Variants in INSL6 observed in about 807,000 individuals in gnomAD.
INSL6 encodes the protein insulin like 6, also known as insulin-like peptide INSL6.
Under a neutral mutation model 9.4 loss-of-function variants are expected in INSL6, and 16 were observed. That is an observed-to-expected ratio of 1.70 (90% CI 1.15 to 2.59). The LOEUF (loss-of-function observed/expected upper bound fraction) is 2.59, where lower values mean the gene tolerates loss of function less well. INSL6 is among the 30% of genes most tolerant of loss of function. The pLI is 0.00. For missense variants in INSL6, 391 were observed against 257.3 expected (o/e 1.52, Z -3.56); for synonymous variants, 154 against 96.9 (o/e 1.59, Z -3.46).
chr9:5,009,767 C>T, the INSL6 span, among the ~76,000 whole-genome samples: 1 of 151,490 alleles, frequency 6.6e-6, no homozygotes, highest in Non-Finnish European at 1.5e-5. Context: ...TTTTTTTCTT[C>T]AGTTAAAATT....
At chr9:5,070,114 G>C in the INSL6 span, 1 of 1,174,450 alleles carries the variant, frequency 8.5e-7, no homozygotes, top group African/African-American at 1.5e-5. Flanking sequence ...CTGTTTTCTT[G>C]ATTTACATTC....
At chr9:5,008,989 C>CT in the INSL6 span, among the ~76,000 whole-genome samples, 26 of 152,146 alleles carry the variant, frequency 1.7e-4, no homozygotes, top group African/African-American at 6.0e-4. Flanking sequence ...GAGTTTGATC[C>CT]TTTGAGTCGT....
chr9:5,132,282 C>G (rs1271008009), intron 3 of INSL6: 1 of 152,104 alleles, frequency 6.6e-6, no homozygotes, highest in Non-Finnish European at 1.5e-5. Context: ...AATCTGAGAT[C>G]TAAAGAATGA....
At chr9:5,066,596 C>G in the INSL6 span, 1 of 782,452 alleles carries the variant, frequency 1.3e-6, no homozygotes, top group Non-Finnish European at 2.2e-6. Context: ...TTAGATTTGA[C>G]TTTTGATTGT....
chr9:5,096,226 C>T, the INSL6 span, among the ~76,000 whole-genome samples: 1 of 152,118 alleles, frequency 6.6e-6, no homozygotes, highest in South Asian at 2.1e-4. Flanking sequence ...TTCTACCTTC[C>T]TCTTACCCAT....
the INSL6 span, among the ~76,000 whole-genome samples, chr9:5,026,027 C>T: frequency 2.6e-4 from 40 of 151,918 alleles, no homozygotes; most frequent in Non-Finnish European, 5.1e-4. Flanking sequence ...TTCTTATTAT[C>T]CTTGACAAAG....
chr9:5,068,475 G>C, the INSL6 span, among the ~76,000 whole-genome samples: 1 of 152,228 alleles, frequency 6.6e-6, no homozygotes, highest in African/African-American at 2.4e-5. Flanking sequence ...CTTAGAAACA[G>C]TGGTACTTGA....
chr9:5,123,525 C>A (rs931936149), downstream of INSL6, among the ~76,000 whole-genome samples: 1 of 151,908 alleles, frequency 6.6e-6, no homozygotes, highest in African/African-American at 2.4e-5. Flanking sequence ...TGTATGTATA[C>A]CACATTTTCT....
At chr9:5,176,445 CATATTCCCAAGATTCTAAA>C (rs1825310578) in intron 1 of INSL6, among the ~76,000 whole-genome samples, 1 of 152,172 alleles carries the variant, frequency 6.6e-6, no homozygotes, top group South Asian at 2.1e-4. Context: ...TGTCCACTGA[CATATTCCCAAGATTCTAAA>C]ATTGTGCCTG....
the INSL6 span, among the ~76,000 whole-genome samples, chr9:5,000,380 A>T: frequency 1.8e-4 from 27 of 152,254 alleles, no homozygotes; most frequent in Non-Finnish European, 2.9e-4. Flanking sequence ...TAAGAAAATC[A>T]TGAAGAACAG....
At chr9:5,081,757 C>G in the INSL6 span, 3 of 1,600,454 alleles carry the variant, frequency 1.9e-6, no homozygotes, top group East Asian at 2.2e-5. Flanking sequence ...TGACATGTTA[C>G]CAAATATGAG....
the INSL6 span, chr9:5,077,712 T>G: frequency 2.0e-6 from 1 of 503,000 alleles, no homozygotes; most frequent in Non-Finnish European, 3.2e-6. Context: ...CTGTGTTAGG[T>G]GATAAAAAGA....
At chr9:5,046,784 A>G in the INSL6 span, among the ~76,000 whole-genome samples, 5 of 128,340 alleles carry the variant, frequency 3.9e-5, no homozygotes, top group African/African-American at 2.5e-4. Flanking sequence ...TTCTAAGAAT[A>G]GCCTTTTGAA....
At chr9:5,045,615 C>T in the INSL6 span, among the ~76,000 whole-genome samples, 3 of 152,108 alleles carry the variant, frequency 2.0e-5, no homozygotes, top group Non-Finnish European at 2.9e-5. Flanking sequence ...ATTCTACTTT[C>T]TGAATATAAA....
the INSL6 span, chr9:5,089,575 C>T: frequency 4.4e-6 from 1 of 226,294 alleles, no homozygotes; most frequent in East Asian, 8.8e-5. Context: ...AGACAGTCTG[C>T]TAATTCCAGC....
At chr9:5,074,343 A>G in the INSL6 span, among the ~76,000 whole-genome samples, 1 of 152,076 alleles carries the variant, frequency 6.6e-6, no homozygotes, top group African/African-American at 2.4e-5. Flanking sequence ...TGTATTTTTT[A>G]CATATTGAAG....
At chr9:5,128,080 T>TTGTGTGTGTGTG (rs139964957) in intron 3 of INSL6, 301 of 224,778 alleles carry the variant, frequency 1.3e-3, no homozygotes, top group African/African-American at 6.5e-3. Flanking sequence ...ATGGTGGGTT[T>TTGTGTGTGTGTG]TGTGTGTGTG....
intron 1 of INSL6, among the ~76,000 whole-genome samples, chr9:5,175,293 G>A (rs535961132): frequency 8.5e-5 from 13 of 152,172 alleles, no homozygotes; most frequent in Admixed American, 5.9e-4. Context: ...TATGGCCCGT[G>A]TATAACTAGA....
At chr9:5,180,426 G>A (rs1351609459) in intron 1 of INSL6, among the ~76,000 whole-genome samples, 1 of 152,186 alleles carries the variant, frequency 6.6e-6, no homozygotes, top group Non-Finnish European at 1.5e-5. Flanking sequence ...TCTTCTTGCA[G>A]AGAGGCTATA....
Sources: allele counts gnomAD v4.1 joint callset (sites outside exome capture counted in the v4.1 genomes callset), GRCh38; gene constraint gnomAD v4.1.1; transcripts MANE v1.5; gene names NCBI Gene and HGNC (gene_info 2026-07-23, HGNC 2026-07-21).